AGPAT3: variants seen among roughly 807,000 people sequenced by gnomAD.
AGPAT3 encodes the protein 1-acylglycerol-3-phosphate O-acyltransferase 3.
Under a neutral mutation model 47.3 loss-of-function variants are expected in AGPAT3, and 5 were observed. That is an observed-to-expected ratio of 0.11 (90% CI 0.06 to 0.22). AGPAT3 has a LOEUF of 0.22. Among genes scored for constraint, AGPAT3 ranks in the 10% least tolerant of loss-of-function variants. The pLI, the probability that AGPAT3 is intolerant of heterozygous loss-of-function variation, is 1.00. For synonymous variants in AGPAT3, 212 were observed against 208.3 expected, an observed-to-expected ratio of 1.02 and a Z score of -0.15; for missense variants, 315 against 493.0, an observed-to-expected ratio of 0.64 and a Z score of 3.42.
At chr21:43,979,214 C>T (rs555363500) in intron 8 of AGPAT3, among the ~76,000 whole-genome samples, 1 of 147,662 alleles carries the variant, frequency 6.8e-6, no homozygotes, top group East Asian at 2.0e-4. Context: ...GCAGGAGAAT[C>T]GCTTGAACCC....
intron 2 of AGPAT3, among the ~76,000 whole-genome samples, chr21:43,914,359 A>G (rs997415137): frequency 2.0e-5 from 3 of 152,184 alleles, no homozygotes; most frequent in African/African-American, 7.2e-5. Context: ...ATGTTCTGGG[A>G]AAGTTTAATT....
chr21:43,885,207 G>A (rs2085946448), intron 1 of AGPAT3, among the ~76,000 whole-genome samples: 1 of 152,198 alleles, frequency 6.6e-6, no homozygotes, highest in African/African-American at 2.4e-5. Context: ...GCTCGCAGAC[G>A]CTGGGTGCAG....
chr21:43,914,047 C>A (rs1055069183), intron 2 of AGPAT3, among the ~76,000 whole-genome samples: 3 of 152,140 alleles, frequency 2.0e-5, no homozygotes, highest in Non-Finnish European at 4.4e-5. Context: ...TTTTATCAGT[C>A]TCTTTGATGT....
At chr21:43,903,798 G>A (rs1377920285) in intron 1 of AGPAT3, 159 bp from the exon 2 acceptor site, 1 of 152,296 alleles carries the variant, frequency 6.6e-6, no homozygotes, top group African/African-American at 2.4e-5. Context: ...ATGTTTAAGT[G>A]ACGGAGTGTT....
At chr21:43,926,676 A>C (rs1380330319) in intron 2 of AGPAT3, among the ~76,000 whole-genome samples, 1 of 105,530 alleles carries the variant, frequency 9.5e-6, no homozygotes, top group Non-Finnish European at 1.8e-5. Context: ...AATAAAAAGG[A>C]GGGCTGGGCA....
intron 2 of AGPAT3, among the ~76,000 whole-genome samples, chr21:43,904,374 C>G (rs2086436683): frequency 6.6e-6 from 1 of 152,174 alleles, no homozygotes; most frequent in African/African-American, 2.4e-5. Context: ...CAGGGCTGCC[C>G]CGGCTCTGTT....
chr21:43,865,811 G>C (rs1555895043), intron 1 of AGPAT3, among the ~76,000 whole-genome samples: 18 of 152,034 alleles, frequency 1.2e-4, no homozygotes, highest in Non-Finnish European at 2.6e-4. Flanking sequence ...CCGCCGCCTG[G>C]TTTCGGGGCG....
Position 43,977,381 on chromosome 21 carries a change from C to T in AGPAT3, c.768-665C>T, listed in dbSNP as rs543556222. 3.9e-5 allele frequency among the ~76,000 whole-genome samples: 6 copies of T among 152,330 alleles called. No homozygotes were observed. The South Asian group carries it at 8.3e-4, about 21-fold the overall frequency. On this transcript the variant is annotated intron_variant, in intron 7 of 9. Coordinates refer to ENST00000291572, the MANE Select transcript of AGPAT3 (RefSeq NM_020132.5). ...ACATATTAAGAAAGACCAGAACTCT[C>T]GGGAGCGCACACATGACCACCCTTC...
intron 1 of AGPAT3, among the ~76,000 whole-genome samples, chr21:43,868,393 C>T (rs1387496390): frequency 1.3e-5 from 2 of 151,962 alleles, no homozygotes; most frequent in South Asian, 4.2e-4. Context: ...GGCTAGCGTG[C>T]CCTGTGTCAC....
intron 1 of AGPAT3, chr21:43,867,845 C>T (rs1337950816): frequency 6.6e-6 from 1 of 152,166 alleles, no homozygotes; most frequent in Admixed American, 6.5e-5. Context: ...GACAGTTGCT[C>T]AGAAATTTCA....
At chr21:43,910,048 G>A (rs749388573) in intron 2 of AGPAT3, among the ~76,000 whole-genome samples, 6 of 152,170 alleles carry the variant, frequency 3.9e-5, no homozygotes, top group African/African-American at 4.8e-5. Context: ...TGTTCTTTCC[G>A]GGTTAAAACC....
chr21:43,895,798 G>A (rs2086202758), intron 1 of AGPAT3, among the ~76,000 whole-genome samples: 2 of 151,696 alleles, frequency 1.3e-5, no homozygotes, highest in East Asian at 1.9e-4. Flanking sequence ...ACAGAGTCTC[G>A]CTCTGTTGCC....
chr21:43,891,419 G>C lies in AGPAT3; in HGVS notation c.-111-12538G>C, dbSNP rs189435912. Among the ~76,000 whole-genome samples the C allele has an allele frequency of 7.2e-5, 11 of 152,240 alleles. No homozygotes were observed. In the East Asian group the frequency reaches 1.7e-3, roughly 24 times the overall value. ...GAGGCTGAGGTGGGCAGATCACGAG[G>C]TTAGGAGATTGAGACCATCCTGGCT... is the stretch of plus-strand genomic sequence containing the variant. On this transcript the variant is annotated intron_variant, in intron 1 of 9. Coordinates refer to ENST00000291572, the MANE Select transcript of AGPAT3 (RefSeq NM_020132.5).
At chr21:43,968,326 G>A (rs1222343470) in intron 4 of AGPAT3, among the ~76,000 whole-genome samples, 1 of 150,446 alleles carries the variant, frequency 6.6e-6, no homozygotes, top group Admixed American at 6.6e-5. Flanking sequence ...GGTGAGTGGG[G>A]GGTCCCAGGG....
intron 1 of AGPAT3, among the ~76,000 whole-genome samples, chr21:43,903,671 C>T (rs1200019260): frequency 6.6e-6 from 1 of 152,210 alleles, no homozygotes; most frequent in Non-Finnish European, 1.5e-5. Flanking sequence ...CCGTGTCCTT[C>T]CTGGGGCGTG....
chr21:43,899,035 A>T (rs1334355717), intron 1 of AGPAT3, among the ~76,000 whole-genome samples: 1 of 152,118 alleles, frequency 6.6e-6, no homozygotes, highest in Non-Finnish European at 1.5e-5. Flanking sequence ...TTTGTGTTAG[A>T]TTTGCACACA....
In AGPAT3 at chr21:43,955,020, T is replaced by A; in HGVS notation, c.-48-4614T>A. On this transcript the variant is annotated intron_variant, in intron 2 of 9. Transcript: ENST00000291572. This position sits in a 1 kb window ranked among gnomAD's most constrained non-coding sequence, Gnocchi z 4.1. ...GGGGAAGCTGCATCCACACAGAGGCTGGGACGTGAATGTGCATCACGGCTC... is the reference window on the plus strand; with the variant it reads ...GGGGAAGCTGCATCCACACAGAGGCAGGGACGTGAATGTGCATCACGGCTC... 8.6e-7 allele frequency: 1 copy of A among 1,166,598 alleles called. No homozygotes were observed. Among genetic ancestry groups the A allele is most frequent in the Non-Finnish European group, 1.1e-6 (1 of 920,874 alleles). 72.3% of individuals were successfully genotyped at this position (1,166,598 alleles called of 1,614,324 possible).
chr21:43,948,716 A>C (rs919572308), intron 2 of AGPAT3, among the ~76,000 whole-genome samples: 172 of 152,304 alleles, frequency 1.1e-3, no homozygotes, highest in African/African-American at 4.0e-3. Flanking sequence ...ATTCTCATGA[A>C]CCTAGCAGCG....
chr21:43,961,767 T>C (rs991319831), intron 3 of AGPAT3, among the ~76,000 whole-genome samples: 1 of 152,124 alleles, frequency 6.6e-6, no homozygotes, highest in Non-Finnish European at 1.5e-5. Context: ...TTGTCTCATG[T>C]AGGAAATGGT....
Sources: gnomAD v4.1 joint callset for allele counts (sites outside exome capture counted in the v4.1 genomes callset) on GRCh38, gnomAD v4.1.1 for gene constraint, Gnocchi (gnomAD v3.1) non-coding constraint, MANE v1.5 for transcripts, NCBI Gene and HGNC (gene_info 2026-07-23, HGNC 2026-07-21) for gene names.